Variants in CDH1 observed in about 807,000 individuals in gnomAD.
CDH1 encodes cadherin 1, also known as cadherin-1.
A neutral mutation model predicts 84.5 loss-of-function variants in CDH1; 35 were observed. The ratio of observed to expected loss-of-function variants is 0.41; its 90% confidence interval spans 0.32 to 0.55. The LOEUF (loss-of-function observed/expected upper bound fraction) is 0.55. Among genes scored for constraint, CDH1 ranks in the 20% least tolerant of loss-of-function variants. The pLI, the probability that CDH1 is intolerant of heterozygous loss-of-function variation, is 0.19. For synonymous variants in CDH1, 417 were observed against 439.0 expected, an observed-to-expected ratio of 0.95 and a Z score of 0.63; for missense variants, 994 against 1,126.6, an observed-to-expected ratio of 0.88 and a Z score of 1.68.
At chr16:68,741,586 A>G (rs895959491) in intron 2 of CDH1, among the ~76,000 whole-genome samples, 4 of 151,540 alleles carry the variant, frequency 2.6e-5, no homozygotes, top group Non-Finnish European at 5.9e-5. Context: ...GGCTGACCCC[A>G]TGATCTCAAC....
chr16:68,743,962 C>G (rs1962658345), intron 2 of CDH1, among the ~76,000 whole-genome samples: 1 of 152,150 alleles, frequency 6.6e-6, no homozygotes, highest in Non-Finnish European at 1.5e-5. Context: ...GTGTTAGCAC[C>G]AGGCTAGACC....
Position 68,777,534 on chromosome 16 carries a change from CTTTTTTTTTTTT to C in CDH1, c.164-24124_164-24113del, listed in dbSNP as rs71148949. On this transcript the variant is annotated intron_variant, in intron 2 of 15. Coordinates refer to ENST00000261769, the MANE Select transcript of CDH1 (RefSeq NM_004360.5). ...AGTGTTCTAGAAAAGGTAATGTTTC[CTTTTTTTTTTTT>C]TTTTTTTTTTTGAGAAGGGGGTCTG... Among the ~76,000 whole-genome samples the C allele has an allele frequency of 1.2e-4, 9 of 76,986 alleles. No individual in the cohort carries two copies. The South Asian group carries it at 5.0e-3, about 43-fold the overall frequency. 50.5% of individuals were successfully genotyped at this position (76,986 alleles called of 152,430 possible).
chr16:68,818,849 C>CAAAAAAAAAAA (rs758115524), intron 10 of CDH1, among the ~76,000 whole-genome samples: 4 of 72,514 alleles, frequency 5.5e-5, no homozygotes, highest in Non-Finnish European at 1.2e-4. Flanking sequence ...GACTCCGTCT[C>CAAAAAAAAAAA]AAAAAAAAAA....
At position 68,813,473 on chromosome 16, in the gene CDH1, A is replaced by G. The variant is rs376097289; in HGVS notation, c.1298A>G (p.Asp433Gly). 54 of 1,614,228 alleles carry G rather than the reference A, an allele frequency of 3.3e-5. No individual in the cohort carries two copies. The highest frequency in any genetic ancestry group is 2.9e-4 in the East Asian group (13 of 44,882). Reference sequence around the variant, plus strand: ...GTCACCACAAATCCAGTGAACAACGATGGCATTTTGAAAACAGCAAAGGTT... The same window carrying G: ...GTCACCACAAATCCAGTGAACAACGGTGGCATTTTGAAAACAGCAAAGGTT... ...FVVTTNPVNN[D>G]GILKTAKGLD... Residue 433 changes from aspartate (D) to glycine (G), a missense_variant, in exon 9 of 16, where the codon GAT (aspartate) becomes GGT (glycine). Asp to Gly is a moderately conservative substitution (Grantham distance 94). Transcript: ENST00000261769.
At chr16:68,782,569 C>T (rs1018735463) in intron 2 of CDH1, among the ~76,000 whole-genome samples, 1 of 152,184 alleles carries the variant, frequency 6.6e-6, no homozygotes, top group African/African-American at 2.4e-5. Context: ...CAGGCCTAAG[C>T]GCTGACCGTT....
intron 2 of CDH1, among the ~76,000 whole-genome samples, chr16:68,766,888 C>T (rs11859467): frequency 0.074 from 11,193 of 151,828 alleles, 872 homozygotes; most frequent in African/African-American, 0.2. Flanking sequence ...CCATCACGCC[C>T]GGCTGATTTT....
At chr16:68,829,959 CTTTTTTT>C (rs35566564) in intron 15 of CDH1, among the ~76,000 whole-genome samples, 162 bp downstream of exon 15, 1 of 108,020 alleles carries the variant, frequency 9.3e-6, no homozygotes, top group Non-Finnish European at 1.7e-5. Context: ...TTTTCTTTTT[CTTTTTTT>C]TTTTTTTTGA....
chr16:68,815,570 T>C lies in CDH1; in HGVS notation c.1376T>C (p.Val459Ala), dbSNP rs1555516109. ...ATTCTACACGTAGCAGTGACGAATG[T>C]GGTACCTTTTGAGGTCTCTCTCACC... ...QYILHVAVTN[V>A]VPFEVSLTTS... The change falls in exon 10 of 16, where the codon GTG becomes GCG. Residue 459 changes from valine (V) to alanine (A), a missense_variant. Val to Ala is a moderately conservative substitution (Grantham distance 64, BLOSUM62 0). Around this residue, in one of 3 missense-constraint regions of CDH1, gnomAD observed 769 missense variants for 881.8 expected, o/e 0.87. Transcript: ENST00000261769. The C allele has an allele frequency of 1.2e-6, 2 of 1,614,242 alleles. No homozygotes were observed. Among genetic ancestry groups the C allele is most frequent in the East Asian group, 2.2e-5 (1 of 44,884 alleles).
chr16:68,742,702 T>G (rs9888797), intron 2 of CDH1: 2 of 152,536 alleles, frequency 1.3e-5, no homozygotes, highest in Admixed American at 1.3e-4. Flanking sequence ...ATTACAGGCG[T>G]GAGCCACTGT....
intron 2 of CDH1, among the ~76,000 whole-genome samples, chr16:68,755,026 T>C (rs1386413946): frequency 6.6e-6 from 1 of 152,012 alleles, no homozygotes; most frequent in Non-Finnish European, 1.5e-5. Context: ...TGTGGTGGTT[T>C]ATGACTGTAA....
chr16:68,822,264 C>A (rs1375722401), intron 12 of CDH1, 39 bp downstream of exon 12: 1 of 1,378,874 alleles, frequency 7.3e-7, no homozygotes, highest in Non-Finnish European at 1.0e-6. Flanking sequence ...TTTGCTCCAA[C>A]TGCCATGCTT....
intron 2 of CDH1, among the ~76,000 whole-genome samples, chr16:68,779,238 G>A (rs887048025): frequency 6.6e-6 from 1 of 152,180 alleles, no homozygotes; most frequent in African/African-American, 2.4e-5. Flanking sequence ...TGGGAAAACT[G>A]CTCCCATCTG....
chr16:68,776,936 C>T (rs1180823989), intron 2 of CDH1, among the ~76,000 whole-genome samples: 2 of 152,176 alleles, frequency 1.3e-5, no homozygotes, highest in African/African-American at 2.4e-5. Context: ...AGTGACTTAA[C>T]CTCAAGTATG....
rs2152144205 is a variant in CDH1, at chr16:68,833,469, T to G, written c.2619T>G (p.Ala873=). ...NEWGNRFKKL[A]DMYGGGEDD Reference sequence around the variant, plus strand: ...GGGGCAATCGCTTCAAGAAGCTGGCTGACATGTACGGAGGCGGCGAGGACG... The same window carrying G: ...GGGGCAATCGCTTCAAGAAGCTGGCGGACATGTACGGAGGCGGCGAGGACG... The change falls in exon 16 of 16, where the codon GCT becomes GCG. Residue 873 remains alanine, a synonymous_variant. Transcript: ENST00000261769. The G allele has an allele frequency of 6.2e-7, 1 of 1,614,084 alleles. No homozygotes were observed. Among genetic ancestry groups the G allele is most frequent in the Non-Finnish European group, 8.5e-7 (1 of 1,180,028 alleles).
At chr16:68,808,319 C>A in intron 3 of CDH1, 105 bp from the exon 4 acceptor site, 2 of 1,135,874 alleles carry the variant, frequency 1.8e-6, no homozygotes, top group South Asian at 1.2e-5. Flanking sequence ...AAACTGTACA[C>A]TGCCCACAGA....
chr16:68,810,147 A>G (rs764930590), intron 5 of CDH1, 50 bp from the exon 6 acceptor site: 1 of 1,610,598 alleles, frequency 6.2e-7, no homozygotes, highest in Admixed American at 1.7e-5. Flanking sequence ...CCCTTCTCCC[A>G]TGTTTTCTTC....
At chr16:68,771,471 T>C (rs1414749682) in intron 2 of CDH1, among the ~76,000 whole-genome samples, 1 of 151,980 alleles carries the variant, frequency 6.6e-6, no homozygotes, top group Non-Finnish European at 1.5e-5. Flanking sequence ...AAATTTTTTG[T>C]AGCCGGGCGC....
chr16:68,796,030 G>A (rs1448089168), intron 2 of CDH1, among the ~76,000 whole-genome samples: 1 of 151,866 alleles, frequency 6.6e-6, no homozygotes, highest in African/African-American at 2.4e-5. Context: ...GGGCGTGGTG[G>A]CAGGCACCTG....
rs372934565 is a variant in CDH1 at position 68,810,268 on chromosome 16, C to T, written c.759C>T (p.Thr253=). 18 of 1,613,576 alleles carry T rather than the reference C, an allele frequency of 1.1e-5. No homozygotes were observed. Among genetic ancestry groups the T allele is most frequent in the African/African-American group, 1.1e-4 (8 of 74,904 alleles). The stretch of plus-strand genomic sequence containing the variant: ...CAATGGAGATTTTGATCACGGTAAC[C>T]GATCAGAATGACAACAAGCCCGAAT... ...EDPMEILITV[T]DQNDNKPEFT... is the part of the protein sequence containing the mutation. The change falls in exon 6 of 16, where the codon ACC becomes ACT. Residue 253 remains threonine (T), a synonymous_variant. Coordinates refer to ENST00000261769, the MANE Select transcript of CDH1 (RefSeq NM_004360.5).
Sources: gnomAD v4.1 joint callset for allele counts (sites outside exome capture counted in the v4.1 genomes callset) on GRCh38, gnomAD v4.1.1 for gene constraint, gnomAD v4.1.1 regional missense constraint, MANE v1.5 for transcripts, NCBI Gene and HGNC (gene_info 2026-07-23, HGNC 2026-07-21) for gene names.